Variants in SNTG1 observed in about 807,000 individuals in gnomAD.
SNTG1 encodes syntrophin gamma 1, also known as gamma-1-syntrophin.
SNTG1 carries 39 observed loss-of-function variants against 74.7 expected under a neutral mutation model. That is an observed-to-expected ratio of 0.52 (90% CI 0.40 to 0.68). The LOEUF is 0.68. SNTG1 is among the 30% of genes least tolerant of loss of function. SNTG1 has a pLI of 0.00. For synonymous variants in SNTG1, 254 were observed against 217.1 expected, an observed-to-expected ratio of 1.17 and a Z score of -1.49; for missense variants, 685 against 609.5, an observed-to-expected ratio of 1.12 and a Z score of -1.30.
At chr8:50,681,573 C>T (rs2095331058) in intron 15 of SNTG1, among the ~76,000 whole-genome samples, 1 of 152,052 alleles carries the variant, frequency 6.6e-6, no homozygotes, top group Non-Finnish European at 1.5e-5. Context: ...GACAACAATG[C>T]TATTTTTGGA....
At position 50,377,156 on chromosome 8, in the gene SNTG1, ATTTTGATGTAAGTGAGTTTGGCTGAAT is replaced by A. The variant is rs552068061; in HGVS notation, c.-27-17049_-27-17023del. On this transcript the variant is annotated intron_variant, in intron 2 of 18. Transcript: ENST00000642720. ...GGGTGAGAAGGACAATTGAGGTGAA[ATTTTGATGTAAGTGAGTTTGGCTGAAT>A]TTTTGAAATGGTAAAATCTAGGCAC... Among the ~76,000 whole-genome samples the A allele has an allele frequency of 9.1e-3, 1,390 of 152,202 alleles. 7 individuals carry two copies. Among genetic ancestry groups the A allele is most frequent in the Admixed American group, 0.015 (223 of 15,294 alleles).
chr8:50,670,178 G>T (rs1389873195), intron 15 of SNTG1, among the ~76,000 whole-genome samples: 2 of 152,300 alleles, frequency 1.3e-5, no homozygotes, highest in East Asian at 3.9e-4. Context: ...CATAGTGTTG[G>T]AAGTTCTGGC....
chr8:50,212,615 G>A (rs569995506), intron 2 of SNTG1, among the ~76,000 whole-genome samples: 1 of 152,272 alleles, frequency 6.6e-6, no homozygotes, highest in South Asian at 2.1e-4. Context: ...AAAATGATAA[G>A]TATTCTGTTT....
At chr8:50,026,753 A>G (rs566449985) in intron 1 of SNTG1, among the ~76,000 whole-genome samples, 1 of 152,288 alleles carries the variant, frequency 6.6e-6, no homozygotes, top group Admixed American at 6.5e-5. Context: ...TGAAAGGAAC[A>G]AATTTTAAAT....
At chr8:50,391,275 C>T (rs573357534) in intron 2 of SNTG1, among the ~76,000 whole-genome samples, 2 of 152,232 alleles carry the variant, frequency 1.3e-5, no homozygotes, top group African/African-American at 2.4e-5. Context: ...GAGTCTTTAG[C>T]GTGAAGGACT....
intron 16 of SNTG1, chr8:50,708,414 A>G (rs2095451311): frequency 6.5e-6 from 1 of 154,822 alleles, no homozygotes; most frequent in South Asian, 2.0e-4. Context: ...CTGAATCTGT[A>G]TTTGTGTGCA....
intron 12 of SNTG1, among the ~76,000 whole-genome samples, chr8:50,579,243 T>A (rs1473593263): frequency 6.6e-6 from 1 of 152,132 alleles, no homozygotes; most frequent in East Asian, 1.9e-4. Context: ...ATTTTGCCCC[T>A]CCCCAGAGAT....
intron 1 of SNTG1, among the ~76,000 whole-genome samples, chr8:50,120,017 G>C (rs1450162966): frequency 7.1e-6 from 1 of 141,804 alleles, no homozygotes; most frequent in Non-Finnish European, 1.6e-5. Context: ...GAGAAGCACA[G>C]TAGAAGATGA....
chr8:50,668,219 T>A (rs1037035705), intron 15 of SNTG1, among the ~76,000 whole-genome samples: 8 of 152,016 alleles, frequency 5.3e-5, no homozygotes, highest in Admixed American at 3.9e-4. Flanking sequence ...TAATATTTTA[T>A]CACATATCCT....
chr8:50,098,336 A>G (rs981058931), intron 1 of SNTG1, among the ~76,000 whole-genome samples: 1 of 152,150 alleles, frequency 6.6e-6, no homozygotes, highest in African/African-American at 2.4e-5. Flanking sequence ...TTGTATCGCT[A>G]GGTTACTCAT....
At chr8:50,477,722 A>G (rs980569857) in intron 8 of SNTG1, among the ~76,000 whole-genome samples, 4 of 152,196 alleles carry the variant, frequency 2.6e-5, no homozygotes, top group Non-Finnish European at 5.9e-5. Flanking sequence ...CATATAGGAA[A>G]CCGGATGTGG....
chr8:50,511,532 A>G (rs1467611031), intron 9 of SNTG1, among the ~76,000 whole-genome samples: 1 of 152,088 alleles, frequency 6.6e-6, no homozygotes, highest in Non-Finnish European at 1.5e-5. Flanking sequence ...GTCTCCCATT[A>G]TTATTGTGTG....
chr8:50,319,469 G>A (rs1463054486), intron 2 of SNTG1, among the ~76,000 whole-genome samples: 1 of 152,124 alleles, frequency 6.6e-6, no homozygotes, highest in East Asian at 1.9e-4. Context: ...GTTTTTTAGG[G>A]AAGTCTTTAG....
chr8:50,688,606 A>G (rs1208286555), intron 15 of SNTG1, among the ~76,000 whole-genome samples: 1 of 152,018 alleles, frequency 6.6e-6, no homozygotes, highest in African/African-American at 2.4e-5. Flanking sequence ...GTTCTGTTCC[A>G]TTGGTCTCTA....
Position 50,107,549 on chromosome 8 carries a change from C to G in SNTG1, c.-102-65012C>G, listed in dbSNP as rs539805279. Among the ~76,000 whole-genome samples the G allele has an allele frequency of 8.0e-4, 120 of 150,452 alleles. No individual in the cohort carries two copies. The South Asian group carries it at 0.011, about 14-fold the overall frequency. On this transcript the variant is annotated intron_variant, in intron 1 of 18. Transcript: ENST00000642720. ...GGTTAAAATAACATAAATGCGGAAT[C>G]AAGGTTTTTTGTTTTTTTGTTTTTT...
intron 2 of SNTG1, among the ~76,000 whole-genome samples, chr8:50,219,711 C>T (rs910837870): frequency 1.3e-5 from 2 of 152,234 alleles, no homozygotes; most frequent in Admixed American, 6.5e-5. Flanking sequence ...GAAAATCTGT[C>T]GCCATGATCC....
chr8:50,321,684 CTTG>C (rs1247633090), intron 2 of SNTG1, among the ~76,000 whole-genome samples: 2 of 151,834 alleles, frequency 1.3e-5, no homozygotes, highest in African/African-American at 4.8e-5. Flanking sequence ...TATTTGTATA[CTTG>C]TTGTGTGCTT....
intron 9 of SNTG1, among the ~76,000 whole-genome samples, chr8:50,512,437 T>C (rs1199814053): frequency 1.3e-5 from 2 of 152,172 alleles, no homozygotes; most frequent in Non-Finnish European, 2.9e-5. Flanking sequence ...GTGTTCTCTG[T>C]ATTTCCTGAA....
chr8:50,625,422 G>T (rs1234403388), intron 13 of SNTG1, among the ~76,000 whole-genome samples: 1 of 152,060 alleles, frequency 6.6e-6, no homozygotes. Flanking sequence ...TGAAGTCATG[G>T]GTATACTGAT....
Sources: gnomAD v4.1 joint callset for allele counts (sites outside exome capture counted in the v4.1 genomes callset) on GRCh38, gnomAD v4.1.1 for gene constraint, MANE v1.5 for transcripts, NCBI Gene and HGNC (gene_info 2026-07-23, HGNC 2026-07-21) for gene names.